SHF: variants seen among roughly 807,000 people sequenced by gnomAD.
SHF encodes the protein Src homology 2 domain containing F, also known as SH2 domain-containing adapter protein F.
In SHF, 30 loss-of-function variants were observed where a neutral mutation model predicts 42.4. The ratio of observed to expected loss-of-function variants is 0.71; its 90% CI spans 0.53 to 0.96. The LOEUF is 0.96. Among genes scored for constraint, SHF ranks in the 40% least tolerant of loss-of-function variants. The probability of loss-of-function intolerance (pLI) is 0.00; values close to 1 mark genes in which losing one functional copy is unlikely to be tolerated. For missense variants in SHF, 598 were observed against 634.0 expected (o/e 0.94, Z 0.61); for synonymous variants, 264 against 269.9 (o/e 0.98, Z 0.21).
chr15:45,197,134 C>T (rs949875287), intron 2 of SHF, among the ~76,000 whole-genome samples: 11 of 151,556 alleles, frequency 7.3e-5, no homozygotes, highest in Non-Finnish European at 1.3e-4. Flanking sequence ...AACCTATAGT[C>T]CTAGCACTTT....
chr15:45,199,249 G>C (rs1898985688), intron 1 of SHF: 1 of 732,356 alleles, frequency 1.4e-6, no homozygotes. Context: ...CTTCCGCAAT[G>C]CTTCCGCCGT....
chr15:45,170,645 C>CTT (rs146136602), intron 6 of SHF: 2,483 of 220,726 alleles, frequency 0.011, 13 homozygotes, highest in African/African-American at 0.023. Context: ...TTATCTTTTT[C>CTT]TTTTTTTTTT....
intron 1 of SHF, among the ~76,000 whole-genome samples, chr15:45,180,903 C>T (rs1898090253): frequency 6.6e-6 from 1 of 152,238 alleles, no homozygotes; most frequent in Admixed American, 6.5e-5. Flanking sequence ...TTTCCTTGTT[C>T]ATTCAGGAGA....
In SHF at chr15:45,187,364, G is replaced by A. The variant is rs1029986578; in HGVS notation, c.498+90C>T. The A allele has an allele frequency of 4.0e-5, 47 of 1,189,040 alleles. No individual in the cohort carries two copies. In the Admixed American group the frequency reaches 5.9e-4, roughly 15 times the overall value. 73.7% of individuals were successfully genotyped at this position (1,189,040 alleles called of 1,614,324 possible). On this transcript the variant is annotated intron_variant, in intron 1 of 6. Transcript: ENST00000690270. ...CTGCCAGAAGCTGAGACACCGAGGG[G>A]CCCGGGCCAGGCCACCTTTGTCCCT...
At chr15:45,199,159 G>C (rs749797742) in intron 1 of SHF, 4 of 1,396,720 alleles carry the variant, frequency 2.9e-6, no homozygotes, top group East Asian at 5.0e-5. Flanking sequence ...TTCAGCAAAC[G>C]CATCTCCCCA....
intron 2 of SHF, among the ~76,000 whole-genome samples, chr15:45,177,376 C>T (rs185063242): frequency 8.5e-5 from 13 of 152,294 alleles, no homozygotes; most frequent in Admixed American, 3.3e-4. Flanking sequence ...GACACATAAG[C>T]CCATTGCAGT....
intron 1 of SHF, chr15:45,199,825 G>GT (rs1899006637): frequency 6.6e-6 from 1 of 151,878 alleles, no homozygotes; most frequent in South Asian, 2.1e-4. Flanking sequence ...CTGGTGGCGG[G>GT]TGCCTGTAGT....
At position 45,175,174 on chromosome 15, in the gene SHF, C is replaced by G. The variant is rs745945712; in HGVS notation, c.847+45G>C. On this transcript the variant is annotated intron_variant, in intron 3 of 6. Coordinates refer to ENST00000690270, the MANE Select transcript of SHF (RefSeq NM_001394037.1). Reference sequence around the variant, plus strand: ...CTTCCATTCTCTTGAGCCTGGAAAGCTGCTCAGAGGCCCCAGCTGACCTGC... The same window carrying G: ...CTTCCATTCTCTTGAGCCTGGAAAGGTGCTCAGAGGCCCCAGCTGACCTGC... 2.6e-6 allele frequency: 4 copies of G among 1,552,912 alleles called. No homozygotes were observed. The South Asian group carries it at 3.6e-5, about 14-fold the overall frequency.
chr15:45,198,602 A>G (rs766097135), intron 2 of SHF: 46 of 727,186 alleles, frequency 6.3e-5, no homozygotes, highest in Non-Finnish European at 9.2e-5. Context: ...CATTGTTCCC[A>G]CAATGCCGTG....
At chr15:45,200,398 C>T (rs1298527441) in intron 1 of SHF, 3 of 217,728 alleles carry the variant, frequency 1.4e-5, no homozygotes, top group Non-Finnish European at 2.9e-5. Context: ...CCTTGCCGTG[C>T]CATTGTCCTC....
chr15:45,193,886 C>T (rs56221949), intron 2 of SHF, among the ~76,000 whole-genome samples: 2 of 150,924 alleles, frequency 1.3e-5, no homozygotes, highest in Non-Finnish European at 2.9e-5. Context: ...AGAGCTTGTG[C>T]TCAGGAATTA....
intron 4 of SHF, among the ~76,000 whole-genome samples, chr15:45,173,184 C>A (rs941322685): frequency 6.6e-6 from 1 of 152,160 alleles, no homozygotes; most frequent in East Asian, 1.9e-4. Flanking sequence ...CACTTTGAAG[C>A]CCTTACTCTC....
In SHF at chr15:45,173,771, A is replaced by T. The variant is rs1022564791; in HGVS notation, c.848-55T>A. ...GACAGACAGTGACAGAGACAGAAAG[A>T]GGTAGAGGTTGAGACACCAAAACCC... On this transcript the variant is annotated intron_variant, in intron 3 of 6. Coordinates refer to ENST00000690270, the MANE Select transcript of SHF (RefSeq NM_001394037.1). The T allele has an allele frequency of 5.8e-6, 9 of 1,541,568 alleles. No homozygotes were observed. In the East Asian group the frequency reaches 2.0e-4, roughly 34 times the overall value.
chr15:45,172,028 G>C (rs532807285), intron 5 of SHF, 26 bp from the exon 6 acceptor site: 2 of 1,613,840 alleles, frequency 1.2e-6, no homozygotes, highest in African/African-American at 2.7e-5. Context: ...AGGAAGGGGG[G>C]CATCTCTGCT....
chr15:45,196,730 T>C (rs1898874693), intron 2 of SHF, among the ~76,000 whole-genome samples: 1 of 151,874 alleles, frequency 6.6e-6, no homozygotes. Flanking sequence ...ACCCTGTCTC[T>C]ACTAAAAATA....
In SHF at chr15:45,200,612, A is replaced by T. The variant is rs144123689; in HGVS notation, c.-47+115T>A. On this transcript the variant is annotated intron_variant, in intron 1 of 7. Transcript: ENST00000290894. ...CTATCTCCACCCTCGCAGCCATCTG[A>T]GGGCACGCAAGAGCATTAATCTCTG... The T allele has an allele frequency of 1.4e-3, 568 of 406,934 alleles. 1 individual carries two copies. The highest frequency in any genetic ancestry group is 0.011 in the African/African-American group (535 of 48,564). 25.2% of individuals were successfully genotyped at this position (406,934 alleles called of 1,614,324 possible). A position where few individuals can be genotyped will look rare whatever the true frequency, so the allele number is the denominator to read the frequency against.
intron 2 of SHF, among the ~76,000 whole-genome samples, chr15:45,177,545 C>T (rs73425660): frequency 0.1 from 15,623 of 152,136 alleles, 1,598 homozygotes; most frequent in East Asian, 0.28. Flanking sequence ...CCGCCCCTCT[C>T]GGACTCTCTC....
intron 2 of SHF, among the ~76,000 whole-genome samples, chr15:45,175,993 AT>A (rs934202028): frequency 6.6e-6 from 1 of 151,546 alleles, no homozygotes; most frequent in Non-Finnish European, 1.5e-5. Context: ...TAATTTTTGT[AT>A]TTTTGTAGAG....
At chr15:45,191,491 A>T (rs1898707040), upstream of SHF, among the ~76,000 whole-genome samples, 1 of 152,160 alleles carries the variant, frequency 6.6e-6, no homozygotes, top group Non-Finnish European at 1.5e-5. Flanking sequence ...CCCAGCCTAG[A>T]TTCAAATTCT....
Sources: allele counts gnomAD v4.1 joint callset (sites outside exome capture counted in the v4.1 genomes callset), GRCh38; gene constraint gnomAD v4.1.1; transcripts MANE v1.5; gene names NCBI Gene and HGNC (gene_info 2026-07-23, HGNC 2026-07-21).